The following FAM135B variants were observed in gnomAD, a reference collection of about 807,000 sequenced individuals.
FAM135B encodes protein FAM135B.
FAM135B carries 43 observed loss-of-function variants against 127.7 expected under a neutral mutation model. That is an observed-to-expected ratio of 0.34 (90% CI 0.26 to 0.43). FAM135B has a LOEUF of 0.43. Among genes scored for constraint, FAM135B ranks in the 20% least tolerant of loss-of-function variants. The pLI is 1.00. For synonymous variants in FAM135B, 670 were observed against 665.1 expected, an observed-to-expected ratio of 1.01 and a Z score of -0.11; for missense variants, 1,558 against 1,725.6, an observed-to-expected ratio of 0.90 and a Z score of 1.72.
intron 7 of FAM135B, among the ~76,000 whole-genome samples, chr8:138,206,408 T>A (rs1817613114): frequency 7.0e-6 from 1 of 143,674 alleles, no homozygotes; most frequent in Non-Finnish European, 1.5e-5. Flanking sequence ...CACAGCTCTA[T>A]CGTCCCCTCC....
intron 1 of FAM135B, among the ~76,000 whole-genome samples, chr8:138,495,466 T>A (rs1815355771): frequency 1.3e-5 from 2 of 152,144 alleles, no homozygotes; most frequent in African/African-American, 4.8e-5. Context: ...TCCCCTTGGG[T>A]AACATAACCA....
intron 2 of FAM135B, chr8:138,358,583 G>A (rs1184502535): frequency 6.6e-6 from 1 of 152,104 alleles, no homozygotes; most frequent in African/African-American, 2.4e-5. Flanking sequence ...TGAAGAAAGT[G>A]AGATTTAAAA....
intron 7 of FAM135B, 103 bp from the exon 8 acceptor site, chr8:138,197,772 TTGGA>T: frequency 7.4e-7 from 1 of 1,345,624 alleles, no homozygotes; most frequent in Non-Finnish European, 1.0e-6. Context: ...CACAAAATGT[TTGGA>T]GGTTCAGGGA....
chr8:138,239,235 T>G (rs753303596), intron 7 of FAM135B, among the ~76,000 whole-genome samples: 17 of 150,720 alleles, frequency 1.1e-4, no homozygotes, highest in Non-Finnish European at 1.9e-4. Flanking sequence ...TTTCCTGACT[T>G]TTTAATGAGT....
At chr8:138,213,989 G>A (rs1262223495) in intron 7 of FAM135B, among the ~76,000 whole-genome samples, 1 of 152,066 alleles carries the variant, frequency 6.6e-6, no homozygotes, top group African/African-American at 2.4e-5. Context: ...AGGGACCAAA[G>A]CCTGATCATC....
intron 1 of FAM135B, among the ~76,000 whole-genome samples, chr8:138,468,185 T>C (rs1489079156): frequency 6.6e-6 from 1 of 152,212 alleles, no homozygotes; most frequent in Non-Finnish European, 1.5e-5. Flanking sequence ...CTCTATGGAA[T>C]TTACAGAGCC....
intron 1 of FAM135B, among the ~76,000 whole-genome samples, chr8:138,475,406 AG>A (rs1367814273): frequency 6.6e-6 from 1 of 152,174 alleles, no homozygotes; most frequent in Non-Finnish European, 1.5e-5. Flanking sequence ...CGTCGCCCAA[AG>A]CCACAGACTA....
intron 9 of FAM135B, among the ~76,000 whole-genome samples, chr8:138,187,689 C>A (rs561888669): frequency 1.2e-3 from 184 of 152,334 alleles, no homozygotes; most frequent in African/African-American, 3.7e-3. Flanking sequence ...CTTGACATTT[C>A]TGAAGTCATA....
At chr8:138,305,557 G>A (rs1374111239) in intron 3 of FAM135B, among the ~76,000 whole-genome samples, 1 of 152,102 alleles carries the variant, frequency 6.6e-6, no homozygotes, top group East Asian at 1.9e-4. Flanking sequence ...TCTGAGACCC[G>A]CAAAACATAA....
intron 6 of FAM135B, among the ~76,000 whole-genome samples, chr8:138,247,920 T>G (rs1017950154): frequency 2.6e-5 from 4 of 152,260 alleles, no homozygotes; most frequent in African/African-American, 9.6e-5. Flanking sequence ...CCTCTGGATG[T>G]AGCACAAAGG....
intron 3 of FAM135B, among the ~76,000 whole-genome samples, chr8:138,307,003 C>T (rs1283503622): frequency 1.3e-5 from 2 of 152,172 alleles, no homozygotes; most frequent in Non-Finnish European, 2.9e-5. Context: ...TCTTATCGTC[C>T]ATCGATGTCC....
At chr8:138,377,545 C>T (rs1831562059) in intron 1 of FAM135B, among the ~76,000 whole-genome samples, 1 of 152,154 alleles carries the variant, frequency 6.6e-6, no homozygotes, top group African/African-American at 2.4e-5. Flanking sequence ...ACCAAACTCC[C>T]TTTCATAACA....
chr8:138,406,187 T>C (rs1833477162), intron 1 of FAM135B, among the ~76,000 whole-genome samples: 1 of 151,936 alleles, frequency 6.6e-6, no homozygotes, highest in African/African-American at 2.4e-5. Flanking sequence ...CCGATGGTAG[T>C]TTCTTTTGCT....
intron 4 of FAM135B, among the ~76,000 whole-genome samples, chr8:138,264,690 G>C (rs1822783994): frequency 6.6e-6 from 1 of 152,112 alleles, no homozygotes; most frequent in Non-Finnish European, 1.5e-5. Context: ...TGAAAGAATA[G>C]ATAGGTTAAG....
chr8:138,201,472 TAAACA>T (rs1817115385), intron 7 of FAM135B, among the ~76,000 whole-genome samples: 1 of 151,936 alleles, frequency 6.6e-6, no homozygotes, highest in African/African-American at 2.4e-5. Flanking sequence ...TATTATAAAC[TAAACA>T]AAACAAAAAA....
intron 12 of FAM135B, among the ~76,000 whole-genome samples, chr8:138,160,337 T>C (rs1257895531): frequency 6.6e-6 from 1 of 152,080 alleles, no homozygotes; most frequent in African/African-American, 2.4e-5. Flanking sequence ...GTTCAGTATA[T>C]GGGTGGCCTG....
chr8:138,415,460 C>T (rs1447262484), intron 1 of FAM135B, among the ~76,000 whole-genome samples: 1 of 152,132 alleles, frequency 6.6e-6, no homozygotes, highest in Non-Finnish European at 1.5e-5. Flanking sequence ...AGAGTCTTTG[C>T]CCAGTATGGA....
intron 1 of FAM135B, among the ~76,000 whole-genome samples, chr8:138,461,098 T>A (rs1445612346): frequency 1.3e-5 from 2 of 152,226 alleles, no homozygotes; most frequent in African/African-American, 4.8e-5. Context: ...AGTTTCTTTT[T>A]TTTAATGTCA....
chr8:138,320,893 A>G (rs1290580519), intron 2 of FAM135B, among the ~76,000 whole-genome samples: 2 of 152,218 alleles, frequency 1.3e-5, no homozygotes, highest in Non-Finnish European at 2.9e-5. Flanking sequence ...CTTTTGTAAA[A>G]TGAGGAGTAA....
Sources: gnomAD v4.1 joint callset for allele counts (sites outside exome capture counted in the v4.1 genomes callset) on GRCh38, gnomAD v4.1.1 for gene constraint, MANE v1.5 for transcripts, NCBI Gene and HGNC (gene_info 2026-07-23, HGNC 2026-07-21) for gene names.